Variants in PDK1 observed in about 807,000 individuals in gnomAD.
The protein encoded by PDK1 is [Pyruvate dehydrogenase (acetyl-transferring)] kinase isozyme 1, mitochondrial.
A neutral mutation model predicts 54.2 loss-of-function variants in PDK1; 39 were observed. The ratio of observed to expected loss-of-function variants is 0.72; its 90% CI spans 0.56 to 0.94. The LOEUF (loss-of-function observed/expected upper bound fraction) is 0.94, where lower values mean the gene tolerates loss of function less well. PDK1 is among the 40% of genes least tolerant of loss of function. The probability of loss-of-function intolerance (pLI) is 0.00; values close to 1 mark genes in which losing one functional copy is unlikely to be tolerated. For synonymous variants in PDK1, 221 were observed against 207.1 expected (o/e 1.07, Z -0.58); for missense variants, 552 against 566.0 (o/e 0.98, Z 0.25).
At chr2:172,698,986 C>G in the PDK1 span, among the ~76,000 whole-genome samples, 1 of 152,114 alleles carries the variant, frequency 6.6e-6, no homozygotes, top group South Asian at 2.1e-4. Flanking sequence ...TGCCTTGACT[C>G]AAAATCTCCC....
chr2:172,667,567 C>T, the PDK1 span, among the ~76,000 whole-genome samples: 1 of 152,182 alleles, frequency 6.6e-6, no homozygotes, highest in Non-Finnish European at 1.5e-5. Flanking sequence ...TCAGCAACTC[C>T]CTGGATGTGA....
At chr2:172,630,576 T>C in the PDK1 span, among the ~76,000 whole-genome samples, 3 of 152,122 alleles carry the variant, frequency 2.0e-5, no homozygotes, top group Non-Finnish European at 4.4e-5. Context: ...CTTCACTGAA[T>C]AATGATCCTT....
chr2:172,583,754 T>C (rs1690055878), intron 8 of PDK1, among the ~76,000 whole-genome samples: 1 of 152,140 alleles, frequency 6.6e-6, no homozygotes, highest in Non-Finnish European at 1.5e-5. Context: ...GTAATATATA[T>C]ATACTGTAAC....
chr2:172,704,999 CA>C, the PDK1 span, among the ~76,000 whole-genome samples: 1 of 151,846 alleles, frequency 6.6e-6, no homozygotes, highest in South Asian at 2.1e-4. Flanking sequence ...CAAAGGCCAG[CA>C]AAAAAGGTGG....
intron 9 of PDK1, 42 bp downstream of exon 9, chr2:172,586,430 C>A: frequency 1.6e-6 from 2 of 1,215,098 alleles, no homozygotes; most frequent in Non-Finnish European, 2.4e-6. Flanking sequence ...CTGTGAATTG[C>A]CTTCCACATG....
chr2:172,562,853 GTA>G, intron 3 of PDK1: 1 of 1,568,792 alleles, frequency 6.4e-7, no homozygotes, highest in Non-Finnish European at 8.7e-7. Context: ...GTAAACCAAA[GTA>G]TTTGCCTTAT....
intron 8 of PDK1, 71 bp downstream of exon 8, chr2:172,570,895 C>T (rs1460863579): frequency 2.3e-5 from 19 of 825,762 alleles, no homozygotes; most frequent in Non-Finnish European, 3.6e-5. Context: ...CAAAGGTAAC[C>T]ATACGCATAA....
In PDK1 at chr2:172,606,723, T is replaced by C. The variant is rs1471106099; in HGVS notation, c.*10754T>C. On this transcript the variant is annotated 3_prime_UTR_variant, in exon 11 of 11. Coordinates refer to ENST00000282077, the MANE Select transcript of PDK1 (RefSeq NM_002610.5). Reference sequence around the variant, plus strand: ...GAGAGAATGGTGGTAGTTTATTTTTTCTTTCCTTTTTTTTTTAAAAAAAAA... The same window carrying C: ...GAGAGAATGGTGGTAGTTTATTTTTCCTTTCCTTTTTTTTTTAAAAAAAAA... The C allele has an allele frequency of 2.0e-5, 3 of 148,000 alleles. No homozygotes were observed. The highest frequency in any genetic ancestry group is 4.4e-4 in the South Asian group (2 of 4,570). 9.2% of individuals were successfully genotyped at this position (148,000 alleles called of 1,614,324 possible). A position where few individuals can be genotyped will look rare whatever the true frequency, so the allele number is the denominator to read the frequency against.
the PDK1 span, among the ~76,000 whole-genome samples, chr2:172,668,777 TAC>T: frequency 1.4e-5 from 2 of 144,666 alleles, no homozygotes; most frequent in Non-Finnish European, 3.0e-5. Flanking sequence ...TATATATATG[TAC>T]ACACACATAT....
the PDK1 span, among the ~76,000 whole-genome samples, chr2:172,616,749 A>C: frequency 6.6e-6 from 1 of 152,184 alleles, no homozygotes; most frequent in Non-Finnish European, 1.5e-5. Context: ...AAAAGCAATA[A>C]AATAATGCTC....
chr2:172,721,314 C>A, the PDK1 span, among the ~76,000 whole-genome samples: 6 of 152,248 alleles, frequency 3.9e-5, no homozygotes, highest in East Asian at 1.2e-3. Flanking sequence ...TTTCTACATC[C>A]TAGGTAGAAG....
Position 172,600,330 on chromosome 2 carries a change from A to G in PDK1, c.*4361A>G, listed in dbSNP as rs1180626932. On this transcript the variant is annotated 3_prime_UTR_variant, in exon 11 of 11. Coordinates refer to ENST00000282077, the MANE Select transcript of PDK1 (RefSeq NM_002610.5). The stretch of plus-strand genomic sequence containing the variant: ...AATTATTTGTCCAAAACTGTACTCC[A>G]GAAATGGAGCCCATATGATTATATA... The G allele has an allele frequency of 6.6e-6, 1 of 152,254 alleles. No homozygotes were observed. Among genetic ancestry groups the G allele is most frequent in the Non-Finnish European group, 1.5e-5 (1 of 68,044 alleles). 9.4% of individuals were successfully genotyped at this position (152,254 alleles called of 1,614,324 possible). A position where few individuals can be genotyped will look rare whatever the true frequency, so the allele number is the denominator to read the frequency against.
the PDK1 span, among the ~76,000 whole-genome samples, chr2:172,652,432 C>A: frequency 6.6e-6 from 1 of 152,140 alleles, no homozygotes; most frequent in Non-Finnish European, 1.5e-5. Context: ...CCTCTCTCAC[C>A]ACTCCTGTTC....
the PDK1 span, among the ~76,000 whole-genome samples, chr2:172,646,930 T>C: frequency 6.6e-6 from 1 of 151,634 alleles, no homozygotes; most frequent in Admixed American, 6.6e-5. Context: ...AGAGACGGGG[T>C]TTCACCATGT....
the PDK1 span, among the ~76,000 whole-genome samples, chr2:172,646,393 T>G: frequency 6.6e-6 from 1 of 152,204 alleles, no homozygotes; most frequent in Admixed American, 6.5e-5. Flanking sequence ...TTTTTCTTTC[T>G]AATTTGACAG....
the PDK1 span, among the ~76,000 whole-genome samples, chr2:172,630,098 C>G: frequency 6.6e-6 from 1 of 152,224 alleles, no homozygotes; most frequent in Non-Finnish European, 1.5e-5. Context: ...GAGGGTTGCT[C>G]TTCCCCACAT....
chr2:172,648,591 A>T, the PDK1 span, among the ~76,000 whole-genome samples: 1 of 152,156 alleles, frequency 6.6e-6, no homozygotes, highest in Non-Finnish European at 1.5e-5. Flanking sequence ...AGCAAAGGGA[A>T]GCCATGACAG....
intron 9 of PDK1, among the ~76,000 whole-genome samples, chr2:172,589,351 C>T (rs965907770): frequency 1.8e-4 from 27 of 152,210 alleles, no homozygotes; most frequent in African/African-American, 6.3e-4. Context: ...GGGCTAGCAG[C>T]AGCAAAGCTA....
chr2:172,633,381 CTTTTTTTTTTTTTTT>C, the PDK1 span, among the ~76,000 whole-genome samples: 1 of 103,978 alleles, frequency 9.6e-6, no homozygotes, highest in African/African-American at 3.7e-5. Flanking sequence ...GATTTTCTTT[CTTTTTTTTTTTTTTT>C]TTTTTTTTGG....
Sources: allele counts gnomAD v4.1 joint callset (sites outside exome capture counted in the v4.1 genomes callset), GRCh38; gene constraint gnomAD v4.1.1; transcripts MANE v1.5; gene names NCBI Gene and HGNC (gene_info 2026-07-23, HGNC 2026-07-21).